Variants in PARD3B observed in about 807,000 individuals in gnomAD.
PARD3B encodes partitioning defective 3 homolog B.
A neutral mutation model predicts 130.2 loss-of-function variants in PARD3B; 103 were observed. The ratio of observed to expected loss-of-function variants is 0.79; its 90% confidence interval spans 0.67 to 0.93. PARD3B has a LOEUF of 0.93. PARD3B is among the 40% of genes least tolerant of loss of function. PARD3B has a pLI of 0.00. For missense variants in PARD3B, 1,609 were observed against 1,499.2 expected (o/e 1.07, Z -1.21); for synonymous variants, 583 against 553.2 (o/e 1.05, Z -0.76).
chr2:205,224,339 C>G lies in PARD3B; in HGVS notation c.2141-21439C>G, dbSNP rs1344912662. Among the ~76,000 whole-genome samples, 5 of 111,756 alleles carry G rather than the reference C, an allele frequency of 4.5e-5. 1 individual carries two copies. The highest frequency in any genetic ancestry group is 8.3e-5 in the Non-Finnish European group (5 of 60,546). The allele number at this position is 111,756 out of a possible 152,430, so 73.3% of individuals were successfully genotyped here. On this transcript the variant is annotated intron_variant, in intron 15 of 22. Coordinates refer to ENST00000406610, the MANE Select transcript of PARD3B (RefSeq NM_001302769.2). ...TGAGCGGAGACAGCACCACTGCACTCCAGCCTGGGCCACAGAGCGAGACTC... is the reference window on the plus strand; with the variant it reads ...TGAGCGGAGACAGCACCACTGCACTGCAGCCTGGGCCACAGAGCGAGACTC...
At chr2:205,452,254 G>T (rs1257094488) in intron 20 of PARD3B, among the ~76,000 whole-genome samples, 3 of 152,178 alleles carry the variant, frequency 2.0e-5, no homozygotes, top group Admixed American at 6.5e-5. Context: ...TCATACCTCT[G>T]TTGGTGTTTG....
At chr2:205,416,752 G>A (rs2106075076) in intron 19 of PARD3B, among the ~76,000 whole-genome samples, 1 of 152,100 alleles carries the variant, frequency 6.6e-6, no homozygotes, top group South Asian at 2.1e-4. Context: ...TGCAAGTACT[G>A]TAATAGATGC....
In PARD3B at chr2:205,089,564, C is replaced by T. The variant is rs151086292; in HGVS notation, c.505-14862C>T. ...TCAGCAAACAAATTTCATGCCCTGG[C>T]TCCTTTCACTGTCCATGGCACTTCA... On this transcript the variant is annotated intron_variant, in intron 4 of 22. Coordinates refer to ENST00000406610, the MANE Select transcript of PARD3B (RefSeq NM_001302769.2). 9.8e-5 allele frequency among the ~76,000 whole-genome samples: 15 copies of T among 152,324 alleles called. No homozygotes were observed. The East Asian group carries it at 2.9e-3, about 29-fold the overall frequency.
rs902289001 is a variant in PARD3B at position 205,292,120 on chromosome 2, G to A, written c.2186-8410G>A. 6.6e-6 allele frequency among the ~76,000 whole-genome samples: 1 copy of A among 152,152 alleles called. No homozygotes were observed. Among genetic ancestry groups the A allele is most frequent in the Admixed American group, 6.5e-5 (1 of 15,276 alleles). ...GGACACCCCAGGTAGAGCTCCAGTG[G>A]GACCCAGTGTAGCATGGGTCACAGA... On this transcript the variant is annotated intron_variant, in intron 16 of 22. Coordinates refer to ENST00000406610, the MANE Select transcript of PARD3B (RefSeq NM_001302769.2). The surrounding 1 kb of genome is among the most constrained non-coding windows in gnomAD (Gnocchi z 5.3).
rs1333501331 is a variant in PARD3B at position 205,280,522 on chromosome 2, C to T, written c.2186-20008C>T. On this transcript the variant is annotated intron_variant, in intron 16 of 22. Transcript: ENST00000406610. The surrounding 1 kb of genome is among the most constrained non-coding windows in gnomAD (Gnocchi z 4.7). ...GAACTATTGAAAACCTTTTCTGTTT[C>T]CTTCTCTTTTTTCTTAAGGGAGGGC... Among the ~76,000 whole-genome samples the T allele has an allele frequency of 6.6e-6, 1 of 152,268 alleles. No homozygotes were observed. The highest frequency in any genetic ancestry group is 1.5e-5 in the Non-Finnish European group (1 of 68,012).
chr2:205,253,260 G>A lies in PARD3B; in HGVS notation c.2185+7438G>A, dbSNP rs958420367. The A allele has an allele frequency of 2.1e-6, 1 of 467,106 alleles. No individual in the cohort carries two copies. Among genetic ancestry groups the A allele is most frequent in the Admixed American group, 2.3e-5 (1 of 42,910 alleles). 28.9% of individuals were successfully genotyped at this position (467,106 alleles called of 1,614,324 possible). A position where few individuals can be genotyped will look rare whatever the true frequency, so the allele number is the denominator to read the frequency against. Reference sequence around the variant, plus strand: ...AACAAGAGTGAGAAGATAGAGACAGGGTAGATAGACACTTAAGAGTAAAAT... The same window carrying A: ...AACAAGAGTGAGAAGATAGAGACAGAGTAGATAGACACTTAAGAGTAAAAT... On this transcript the variant is annotated intron_variant, in intron 16 of 22. Transcript: ENST00000406610. The surrounding 1 kb of genome is among the most constrained non-coding windows in gnomAD (Gnocchi z 4.4).
At chr2:204,926,308 A>G (rs1687612292) in intron 2 of PARD3B, among the ~76,000 whole-genome samples, 1 of 152,206 alleles carries the variant, frequency 6.6e-6, no homozygotes, top group African/African-American at 2.4e-5. Flanking sequence ...TGAGTGGTGG[A>G]TAGGAGCAGT....
In PARD3B at chr2:205,311,757, A is replaced by G. The variant is rs1470606763; in HGVS notation, c.2630+10056A>G. Among the ~76,000 whole-genome samples the G allele has an allele frequency of 2.0e-5, 3 of 152,256 alleles. No individual in the cohort carries two copies. The East Asian group carries it at 5.8e-4, about 29-fold the overall frequency. ...GGGTCACCCCTTTCTCAATGTAACC[A>G]TGAACTGTTTTCAAAGGTTATTTAA... On this transcript the variant is annotated intron_variant, in intron 18 of 22. Coordinates refer to ENST00000406610, the MANE Select transcript of PARD3B (RefSeq NM_001302769.2).
At chr2:204,873,336 A>T (rs892340275) in intron 2 of PARD3B, among the ~76,000 whole-genome samples, 1 of 152,170 alleles carries the variant, frequency 6.6e-6, no homozygotes, top group Non-Finnish European at 1.5e-5. Flanking sequence ...TGTTTTTCCT[A>T]TCATAGCAGG....
chr2:204,928,624 G>A (rs1222127760), intron 2 of PARD3B, among the ~76,000 whole-genome samples: 2 of 152,098 alleles, frequency 1.3e-5, no homozygotes, highest in African/African-American at 2.4e-5. Context: ...CATCAAAGAC[G>A]TCTTGGTCAA....
chr2:204,975,919 A>G (rs1419569665), intron 3 of PARD3B, among the ~76,000 whole-genome samples: 1 of 152,162 alleles, frequency 6.6e-6, no homozygotes, highest in African/African-American at 2.4e-5. Context: ...CAGACAATTC[A>G]TTACCTTTAA....
intron 15 of PARD3B, among the ~76,000 whole-genome samples, chr2:205,195,913 G>C (rs10153620): frequency 0.25 from 37,382 of 151,724 alleles, 4,943 homozygotes; most frequent in East Asian, 0.34. Flanking sequence ...ATCTTCAAAG[G>C]CTGATGGATC....
chr2:204,612,634 T>G (rs2033970382), intron 1 of PARD3B, among the ~76,000 whole-genome samples: 1 of 152,198 alleles, frequency 6.6e-6, no homozygotes, highest in Non-Finnish European at 1.5e-5. Flanking sequence ...AAGTGTGTAT[T>G]CCTCTTATTG....
In PARD3B at chr2:204,676,004, C is replaced by T. The variant is rs575465308; in HGVS notation, c.121-10177C>T. On this transcript the variant is annotated intron_variant, in intron 1 of 22. Transcript: ENST00000406610. The stretch of plus-strand genomic sequence containing the variant: ...ATACATAATGGTTTATACTGGTTCC[C>T]TGTCTTTAAAATAAGAGGCCTATTC... 3.2e-4 allele frequency among the ~76,000 whole-genome samples: 48 copies of T among 150,952 alleles called. 1 individual carries two copies. The highest frequency in any genetic ancestry group is 6.5e-4 in the Non-Finnish European group (44 of 67,838).
At chr2:205,083,238 A>T (rs1476193204) in intron 4 of PARD3B, among the ~76,000 whole-genome samples, 1 of 152,044 alleles carries the variant, frequency 6.6e-6, no homozygotes, top group Non-Finnish European at 1.5e-5. Context: ...CAATTTTTTT[A>T]AAATAGGAAA....
intron 20 of PARD3B, among the ~76,000 whole-genome samples, chr2:205,475,282 G>A (rs991628335): frequency 9.2e-5 from 14 of 152,094 alleles, no homozygotes; most frequent in African/African-American, 1.7e-4. Flanking sequence ...CCCAGGCCCC[G>A]TCTATCACCA....
intron 19 of PARD3B, among the ~76,000 whole-genome samples, chr2:205,424,113 T>A (rs2047065082): frequency 6.6e-6 from 1 of 152,200 alleles, no homozygotes; most frequent in African/African-American, 2.4e-5. Context: ...TGTAGTTGAA[T>A]ACAATATTTT....
rs372349823 is a variant in PARD3B, at chr2:204,554,967, A to G, written c.120+8848A>G. On this transcript the variant is annotated intron_variant, in intron 1 of 22. Transcript: ENST00000406610. ...CTGTGCAAAACTGTTTCTGCAAACAATATGGCTTATGCTGAACACCTGCTC... is the reference window on the plus strand; with the variant it reads ...CTGTGCAAAACTGTTTCTGCAAACAGTATGGCTTATGCTGAACACCTGCTC... Among the ~76,000 whole-genome samples, 3 of 152,224 alleles carry G rather than the reference A, an allele frequency of 2.0e-5. No homozygotes were observed. In the South Asian group the frequency reaches 6.2e-4, roughly 32 times the overall value.
At chr2:205,610,153 A>G (rs895586492) in intron 22 of PARD3B, among the ~76,000 whole-genome samples, 15 of 152,150 alleles carry the variant, frequency 9.9e-5, no homozygotes, top group African/African-American at 3.6e-4. Flanking sequence ...TCTCCTGGGT[A>G]TGAGTAGCTT....
Sources: allele counts gnomAD v4.1 joint callset (sites outside exome capture counted in the v4.1 genomes callset), GRCh38; gene constraint gnomAD v4.1.1; non-coding constraint Gnocchi (gnomAD v3.1); transcripts MANE v1.5; gene names NCBI Gene and HGNC (gene_info 2026-07-23, HGNC 2026-07-21).